Variants in SCFD1 observed in about 807,000 individuals in gnomAD.
SCFD1 encodes the protein sec1 family domain containing 1, also known as sec1 family domain-containing protein 1.
In SCFD1, 37 loss-of-function variants were observed where a neutral mutation model predicts 103.2. The observed-to-expected ratio is 0.36, with a 90% CI of 0.28 to 0.47. SCFD1 has a LOEUF of 0.47. SCFD1 is among the 20% of genes least tolerant of loss of function. The probability of loss-of-function intolerance (pLI) is 1.00; values close to 1 mark genes in which losing one functional copy is unlikely to be tolerated. For synonymous variants in SCFD1, 264 were observed against 245.0 expected (o/e 1.08, Z -0.73); for missense variants, 639 against 761.2 (o/e 0.84, Z 1.89).
At chr14:30,641,833 A>G (rs1346483272) in intron 6 of SCFD1, among the ~76,000 whole-genome samples, 2 of 152,208 alleles carry the variant, frequency 1.3e-5, no homozygotes, top group African/African-American at 4.8e-5. Flanking sequence ...CACAAGTGGT[A>G]TTAAATTTTA....
At chr14:30,717,892 G>GAA (rs796227869) in intron 20 of SCFD1, among the ~76,000 whole-genome samples, 2 of 86,668 alleles carry the variant, frequency 2.3e-5, no homozygotes, top group Non-Finnish European at 5.1e-5. Context: ...TCAAAAAAAA[G>GAA]AAAAAAAAAA....
At chr14:30,627,932 T>C (rs961238985) in intron 1 of SCFD1, among the ~76,000 whole-genome samples, 2 of 151,996 alleles carry the variant, frequency 1.3e-5, no homozygotes, top group African/African-American at 4.8e-5. Flanking sequence ...CATCAGTATA[T>C]TGAGGCCATT....
chr14:30,713,201 T>A (rs1892016053), intron 19 of SCFD1, among the ~76,000 whole-genome samples: 1 of 152,230 alleles, frequency 6.6e-6, no homozygotes, highest in Non-Finnish European at 1.5e-5. Flanking sequence ...CAAAAGTTGT[T>A]TCCTGAAGTA....
At chr14:30,682,962 G>C in intron 14 of SCFD1, 1 of 633,764 alleles carries the variant, frequency 1.6e-6, no homozygotes, top group East Asian at 3.2e-5. Context: ...ATGATACAGA[G>C]TCTATACAGA....
intron 10 of SCFD1, among the ~76,000 whole-genome samples, chr14:30,664,928 C>A (rs1289303696): frequency 2.0e-5 from 3 of 152,170 alleles, no homozygotes; most frequent in South Asian, 2.1e-4. Flanking sequence ...GATTGGTGTA[C>A]CTGAAAGTGA....
chr14:30,690,744 G>A (rs1890227169), intron 14 of SCFD1, among the ~76,000 whole-genome samples: 1 of 151,540 alleles, frequency 6.6e-6, no homozygotes, highest in Admixed American at 6.6e-5. Context: ...CGGTACTTCA[G>A]ATGGAAATGC....
At chr14:30,722,199 T>C (rs942505426) in intron 22 of SCFD1, among the ~76,000 whole-genome samples, 1 of 152,178 alleles carries the variant, frequency 6.6e-6, no homozygotes, top group Non-Finnish European at 1.5e-5. Flanking sequence ...GTGAAGATAC[T>C]ATGACTGTTT....
chr14:30,712,614 C>T (rs112043159), intron 19 of SCFD1, among the ~76,000 whole-genome samples: 89 of 152,086 alleles, frequency 5.9e-4, no homozygotes, highest in Non-Finnish European at 1.2e-3. Flanking sequence ...TCATAAAACA[C>T]GACTAAAGTC....
chr14:30,719,438 T>G, intron 21 of SCFD1, 61 bp downstream of exon 21: 1 of 1,243,668 alleles, frequency 8.0e-7, no homozygotes, highest in South Asian at 1.3e-5. Flanking sequence ...GGAAATAATT[T>G]TTTTATTATA....
chr14:30,641,010 C>T (rs1214415545), intron 6 of SCFD1, among the ~76,000 whole-genome samples: 1 of 152,008 alleles, frequency 6.6e-6, no homozygotes, highest in Non-Finnish European at 1.5e-5. Context: ...CTAATTTACT[C>T]CTCAGAATAA....
At chr14:30,731,401 G>A (rs1203360869) in intron 23 of SCFD1, among the ~76,000 whole-genome samples, 1 of 152,186 alleles carries the variant, frequency 6.6e-6, no homozygotes, top group Non-Finnish European at 1.5e-5. Flanking sequence ...GTCATTGGTA[G>A]CTTGATGGGG....
At chr14:30,713,046 G>GT (rs1181332953) in intron 19 of SCFD1, among the ~76,000 whole-genome samples, 7 of 151,800 alleles carry the variant, frequency 4.6e-5, no homozygotes, top group Non-Finnish European at 7.4e-5. Context: ...CTAAAATCCG[G>GT]TTTTTTTAAC....
chr14:30,718,409 AG>A (rs1594758616), intron 20 of SCFD1, among the ~76,000 whole-genome samples: 1 of 152,354 alleles, frequency 6.6e-6, no homozygotes, highest in South Asian at 2.1e-4. Flanking sequence ...TTATAACTCA[AG>A]GCATATTATT....
intron 10 of SCFD1, among the ~76,000 whole-genome samples, chr14:30,656,968 A>G (rs1325739708): frequency 6.6e-6 from 1 of 152,106 alleles, no homozygotes; most frequent in African/African-American, 2.4e-5. Flanking sequence ...ACAGGGATTA[A>G]TGGGCATAAT....
intron 9 of SCFD1, among the ~76,000 whole-genome samples, chr14:30,651,782 T>G (rs902573336): frequency 1.1e-4 from 17 of 152,196 alleles, no homozygotes; most frequent in Non-Finnish European, 1.8e-4. Context: ...GTCACAACCT[T>G]GCTGGACTAT....
chr14:30,650,686 A>C, intron 9 of SCFD1, 36 bp downstream of exon 9: 13 of 1,202,550 alleles, frequency 1.1e-5, no homozygotes, highest in Non-Finnish European at 1.6e-5. Context: ...TAAGACTTTA[A>C]AATATTTGTA....
chr14:30,650,495 C>G (rs1886295733), intron 8 of SCFD1, 70 bp from the exon 9 acceptor site: 1 of 889,994 alleles, frequency 1.1e-6, no homozygotes, highest in Admixed American at 2.3e-5. Context: ...AAACTAAAAA[C>G]ACATTTTGAA....
chr14:30,717,627 C>G (rs1047731803), intron 20 of SCFD1, among the ~76,000 whole-genome samples: 2 of 151,996 alleles, frequency 1.3e-5, no homozygotes, highest in African/African-American at 4.8e-5. Context: ...TGCGGTGGTT[C>G]AAGCCTGTAA....
At chr14:30,722,652 C>G (rs918286815) in intron 23 of SCFD1, 93 bp downstream of exon 23, 2 of 649,348 alleles carry the variant, frequency 3.1e-6, no homozygotes, top group African/African-American at 1.9e-5. Flanking sequence ...CCTTCTATAA[C>G]TTCTTTTCTA....
Sources: gnomAD v4.1 joint callset for allele counts (sites outside exome capture counted in the v4.1 genomes callset) on GRCh38, gnomAD v4.1.1 for gene constraint, MANE v1.5 for transcripts, NCBI Gene and HGNC (gene_info 2026-07-23, HGNC 2026-07-21) for gene names.